The following SLC75A1 variants were observed in gnomAD, a reference collection of about 807,000 sequenced individuals.
SLC75A1 encodes solute carrier family 75 member 1, also known as major facilitator superfamily domain containing 10.
the SLC75A1 span, chr4:2,932,965 G>T: frequency 9.8e-7 from 1 of 1,025,254 alleles, no homozygotes. Flanking sequence ...GGTCCCCCGA[G>T]AACCCCCTCC....
the SLC75A1 span, chr4:2,931,921 C>T: frequency 8.1e-6 from 13 of 1,609,410 alleles, no homozygotes; most frequent in African/African-American, 6.7e-5. Context: ...GCCCAGGCGG[C>T]GCAGGCTGCT....
the SLC75A1 span, chr4:2,933,983 G>T: frequency 9.3e-6 from 14 of 1,502,764 alleles, no homozygotes; most frequent in Non-Finnish European, 1.3e-5. Context: ...CGGGGAAGCC[G>T]AGTCCTCCGG....
At chr4:2,932,587 C>T in the SLC75A1 span, 4 of 1,613,044 alleles carry the variant, frequency 2.5e-6, no homozygotes, top group Non-Finnish European at 3.4e-6. Flanking sequence ...AAAGGCCCAG[C>T]CTGTGCACTT....
chr4:2,931,478 A>C, the SLC75A1 span: 2 of 1,580,326 alleles, frequency 1.3e-6, no homozygotes, highest in Non-Finnish European at 1.7e-6. Flanking sequence ...GCAGGTGGGC[A>C]CGGCAGCCTC....
the SLC75A1 span, chr4:2,931,069 G>C: frequency 6.2e-7 from 1 of 1,603,528 alleles, no homozygotes. Context: ...ACCTGAAGCG[G>C]CCACCAGGGG....
chr4:2,932,478 G>A, the SLC75A1 span: 789 of 1,613,602 alleles, frequency 4.9e-4, 1 homozygote, highest in Non-Finnish European at 5.6e-4. Context: ...AGGGCCCAGG[G>A]TGAAGCCCAG....
chr4:2,931,676 G>A, the SLC75A1 span: 3 of 1,609,368 alleles, frequency 1.9e-6, no homozygotes, highest in Non-Finnish European at 2.5e-6. Flanking sequence ...GGGAGCGGGT[G>A]TGTTAGTGCA....
chr4:2,933,776 ACAGCCCGGG>A, the SLC75A1 span: 1 of 1,596,636 alleles, frequency 6.3e-7, no homozygotes, highest in African/African-American at 1.3e-5. Context: ...TGGCTCTCCA[ACAGCCCGGG>A]CAGCAGGGGC....
At chr4:2,931,372 C>T in the SLC75A1 span, 12 of 1,548,816 alleles carry the variant, frequency 7.7e-6, no homozygotes, top group African/African-American at 1.6e-4. Flanking sequence ...CAGGGCCACT[C>T]ACCAAAGGAG....
the SLC75A1 span, chr4:2,933,148 G>A: frequency 6.2e-7 from 1 of 1,613,732 alleles, no homozygotes; most frequent in African/African-American, 1.3e-5. Flanking sequence ...AGCAGTCAGA[G>A]GTGGCCCCAG....
At chr4:2,932,797 T>G in the SLC75A1 span, 1 of 1,530,604 alleles carries the variant, frequency 6.5e-7, no homozygotes. Context: ...GGGCGGTCGC[T>G]TAAGGCCAGG....
the SLC75A1 span, chr4:2,932,071 C>G: frequency 1.2e-6 from 2 of 1,610,862 alleles, no homozygotes; most frequent in Non-Finnish European, 8.5e-7. Context: ...GTCCTGGCCA[C>G]GAGCGACAGC....
At chr4:2,930,848 TTGAGCGTC>T in the SLC75A1 span, 1 of 1,612,912 alleles carries the variant, frequency 6.2e-7, no homozygotes, top group Non-Finnish European at 8.5e-7. Context: ...CTACTCAGCC[TTGAGCGTC>T]TGTGCCGGGT....
At chr4:2,931,532 C>A in the SLC75A1 span, 3 of 1,605,048 alleles carry the variant, frequency 1.9e-6, no homozygotes, top group Non-Finnish European at 2.6e-6. Flanking sequence ...TGCCTGCCAC[C>A]CGCTTTGGAG....
the SLC75A1 span, chr4:2,931,940 G>A: frequency 1.1e-5 from 18 of 1,606,150 alleles, no homozygotes; most frequent in Admixed American, 3.4e-5. Flanking sequence ...CTGAGCCCTG[G>A]GGAGAGGTGG....
the SLC75A1 span, chr4:2,931,124 T>C: frequency 3.2e-6 from 5 of 1,579,904 alleles, no homozygotes; most frequent in African/African-American, 4.0e-5. Context: ...AGTGTACCCA[T>C]GACCGTGCCC....
At chr4:2,933,175 A>T in the SLC75A1 span, 1 of 1,613,580 alleles carries the variant, frequency 6.2e-7, no homozygotes, top group East Asian at 2.2e-5. Context: ...GCGCACACAG[A>T]AACTGCAGGA....
the SLC75A1 span, chr4:2,931,202 C>A: frequency 6.4e-7 from 1 of 1,559,874 alleles, no homozygotes; most frequent in Non-Finnish European, 8.7e-7. Flanking sequence ...GCTCAGGTGG[C>A]TTCGGCCGAG....
the SLC75A1 span, chr4:2,934,346 T>G: frequency 2.4e-5 from 5 of 206,230 alleles, no homozygotes; most frequent in Non-Finnish European, 3.9e-5. Context: ...CGCCCCGCGA[T>G]TCCGGCCCCT....
Sources: gnomAD v4.1 joint callset for allele counts on GRCh38, gnomAD v4.1.1 for gene constraint, MANE v1.5 for transcripts, NCBI Gene and HGNC (gene_info 2026-07-23, HGNC 2026-07-21) for gene names.